The following LMX1B variants were observed in gnomAD, a reference collection of about 807,000 sequenced individuals.
LMX1B encodes the protein LIM homeobox transcription factor 1 beta.
LMX1B carries 12 observed loss-of-function variants against 51.4 expected under a neutral mutation model. That is an observed-to-expected ratio of 0.23 (90% CI 0.15 to 0.38). The LOEUF (loss-of-function observed/expected upper bound fraction) is 0.38. Among genes scored for constraint, LMX1B ranks in the 10% least tolerant of loss-of-function variants. The pLI, the probability that LMX1B is intolerant of heterozygous loss-of-function variation, is 1.00. For missense variants in LMX1B, 445 were observed against 571.1 expected (o/e 0.78, Z 2.25); for synonymous variants, 237 against 235.4 (o/e 1.01, Z -0.06).
At chr9:126,687,861 G>T (rs981014683) in intron 2 of LMX1B, among the ~76,000 whole-genome samples, 1 of 152,174 alleles carries the variant, frequency 6.6e-6, no homozygotes, top group African/African-American at 2.4e-5. Flanking sequence ...GTCCTCCGTG[G>T]TGGGAGGCAC....
chr9:126,615,266 C>A lies in LMX1B; in HGVS notation c.140-117C>A. 1.7e-6 allele frequency: 1 copy of A among 586,850 alleles called. No homozygotes were observed. The highest frequency in any genetic ancestry group is 2.4e-6 in the Non-Finnish European group (1 of 423,364). The allele number at this position is 586,850 out of a possible 1,614,324, so 36.4% of individuals were successfully genotyped here. On this transcript the variant is annotated intron_variant, in intron 1 of 7. Coordinates refer to ENST00000373474, the MANE Select transcript of LMX1B (RefSeq NM_001174147.2). The surrounding 1 kb of genome is among the most constrained non-coding windows in gnomAD (Gnocchi z 6.0). ...CGGTCCGGGGAGCGCAGGCGGCAGG[C>A]GGTGATCCCGGGCGGCCCGAGCCCT...
intron 2 of LMX1B, among the ~76,000 whole-genome samples, chr9:126,644,267 G>A (rs1835859879): frequency 6.6e-6 from 1 of 152,214 alleles, no homozygotes; most frequent in African/African-American, 2.4e-5. Flanking sequence ...ATGAGATGAG[G>A]AGAGAAATCC....
intron 2 of LMX1B, among the ~76,000 whole-genome samples, chr9:126,674,246 G>A (rs72762523): frequency 0.079 from 12,070 of 152,202 alleles, 568 homozygotes; most frequent in South Asian, 0.17. Context: ...ATGTCTCTGA[G>A]TGAGTGTCTG....
intron 3 of LMX1B, among the ~76,000 whole-genome samples, chr9:126,691,536 A>G (rs569260812): frequency 9.2e-5 from 14 of 152,264 alleles, no homozygotes; most frequent in African/African-American, 2.6e-4. Flanking sequence ...GGCTGCACAT[A>G]TATGTTTGTC....
intron 2 of LMX1B, among the ~76,000 whole-genome samples, chr9:126,676,042 C>G (rs1244124029): frequency 7.0e-6 from 1 of 142,254 alleles, no homozygotes; most frequent in Non-Finnish European, 1.5e-5. Flanking sequence ...GAGCGAGACT[C>G]CGTCTCAAAA....
rs908183130 is a variant in LMX1B, at chr9:126,613,958, G to C, written c.-492G>C. On this transcript the variant is annotated 5_prime_UTR_variant, in exon 1 of 8. Coordinates refer to ENST00000373474, the MANE Select transcript of LMX1B (RefSeq NM_001174147.2). The surrounding 1 kb of genome is among the most constrained non-coding windows in gnomAD (Gnocchi z 4.5). The stretch of plus-strand genomic sequence containing the variant: ...CAGCTCTAAACCCGGCGGCTCAGCG[G>C]GCGCACCATGGCACTGGAGTAGCGC... Among the ~76,000 whole-genome samples the C allele has an allele frequency of 1.9e-4, 27 of 145,924 alleles. No individual in the cohort carries two copies. Among genetic ancestry groups the C allele is most frequent in the Non-Finnish European group, 3.2e-4 (21 of 65,724 alleles).
Position 126,695,832 on chromosome 9 carries a change from C to T in LMX1B, c.887-7C>T. The T allele has an allele frequency of 6.2e-7, 1 of 1,612,346 alleles. No individual in the cohort carries two copies. Among genetic ancestry groups the T allele is most frequent in the Non-Finnish European group, 8.5e-7 (1 of 1,179,404 alleles). Reference sequence around the variant, plus strand: ...GGCCAGGGGGTGAAGGCTCACTGTGCCCCCAGAGGTCCTGTCCAGCCGCAT... The same window carrying T: ...GGCCAGGGGGTGAAGGCTCACTGTGTCCCCAGAGGTCCTGTCCAGCCGCAT... On this transcript the variant is annotated splice_polypyrimidine_tract_variant and splice_region_variant and intron_variant, in intron 6 of 7. Coordinates refer to ENST00000373474, the MANE Select transcript of LMX1B (RefSeq NM_001174147.2). This position sits in a 1 kb window ranked among gnomAD's most constrained non-coding sequence, Gnocchi z 5.2.
At chr9:126,680,288 C>T (rs377484328) in intron 2 of LMX1B, among the ~76,000 whole-genome samples, 1 of 152,188 alleles carries the variant, frequency 6.6e-6, no homozygotes, top group Non-Finnish European at 1.5e-5. Context: ...GGAAACCAAG[C>T]ACAGAGACTG....
intron 2 of LMX1B, among the ~76,000 whole-genome samples, chr9:126,652,141 G>A (rs1836023238): frequency 6.6e-6 from 1 of 152,142 alleles, no homozygotes; most frequent in Non-Finnish European, 1.5e-5. Flanking sequence ...GCCTGAGGCT[G>A]CAGCTCTCCC....
At chr9:126,661,176 C>G (rs892234218) in intron 2 of LMX1B, among the ~76,000 whole-genome samples, 1 of 152,104 alleles carries the variant, frequency 6.6e-6, no homozygotes, top group African/African-American at 2.4e-5. Flanking sequence ...TGACACAGGG[C>G]GACCCCTCAA....
At chr9:126,633,493 C>T (rs1168580380) in intron 2 of LMX1B, among the ~76,000 whole-genome samples, 1 of 152,180 alleles carries the variant, frequency 6.6e-6, no homozygotes, top group Non-Finnish European at 1.5e-5. Context: ...AGCAAGTCTC[C>T]ACAGGACAAC....
intron 2 of LMX1B, among the ~76,000 whole-genome samples, chr9:126,634,936 G>A (rs568943402): frequency 3.2e-4 from 49 of 152,212 alleles, no homozygotes; most frequent in East Asian, 7.7e-4. Context: ...AGGGCTCCCC[G>A]CTCCTTCCCC....
chr9:126,628,532 C>T (rs1835574893), intron 2 of LMX1B, among the ~76,000 whole-genome samples: 1 of 152,230 alleles, frequency 6.6e-6, no homozygotes, highest in Non-Finnish European at 1.5e-5. Flanking sequence ...TTTGGAAGTT[C>T]TTTGGGTTGT....
rs1380015638 is a variant in LMX1B, at chr9:126,625,444, G to A, written c.326+9875G>A. 1.3e-5 allele frequency among the ~76,000 whole-genome samples: 2 copies of A among 152,212 alleles called. No homozygotes were observed. Among genetic ancestry groups the A allele is most frequent in the Non-Finnish European group, 2.9e-5 (2 of 68,044 alleles). On this transcript the variant is annotated intron_variant, in intron 2 of 7. Coordinates refer to ENST00000373474, the MANE Select transcript of LMX1B (RefSeq NM_001174147.2). This position sits in a 1 kb window ranked among gnomAD's most constrained non-coding sequence, Gnocchi z 5.3. Reference sequence around the variant, plus strand: ...TCTTCCCAGGAAAGGTGGCACTCCGGGTGCACACCCACCACCCCCATTAAA... The same window carrying A: ...TCTTCCCAGGAAAGGTGGCACTCCGAGTGCACACCCACCACCCCCATTAAA...
rs1366019420 is a variant in LMX1B, at chr9:126,695,180, C to T, written c.887-659C>T. On this transcript the variant is annotated intron_variant, in intron 6 of 7. Transcript: ENST00000373474. This position sits in a 1 kb window ranked among gnomAD's most constrained non-coding sequence, Gnocchi z 5.2. The stretch of plus-strand genomic sequence containing the variant: ...CTTCCTCACCCACTGGCCCCAGCCT[C>T]GGTCTCCTCCTCCAGCCTTTCTCAC... 6.6e-6 allele frequency among the ~76,000 whole-genome samples: 1 copy of T among 152,180 alleles called. No homozygotes were observed. The highest frequency in any genetic ancestry group is 2.4e-5 in the African/African-American group (1 of 41,440).
chr9:126,626,095 G>A lies in LMX1B; in HGVS notation c.326+10526G>A, dbSNP rs1361452373. Among the ~76,000 whole-genome samples the A allele has an allele frequency of 6.6e-6, 1 of 152,252 alleles. No homozygotes were observed. The highest frequency in any genetic ancestry group is 2.4e-5 in the African/African-American group (1 of 41,480). On this transcript the variant is annotated intron_variant, in intron 2 of 7. Transcript: ENST00000373474. The surrounding 1 kb of genome is among the most constrained non-coding windows in gnomAD (Gnocchi z 4.3). ...GGTTTCAGCCCAAAGGCTCCAGTCA[G>A]TGGAACCGGAGGGGGACTTCGGAGG... is the stretch of plus-strand genomic sequence containing the variant.
chr9:126,683,180 C>G (rs1284763314), intron 2 of LMX1B, among the ~76,000 whole-genome samples: 1 of 150,918 alleles, frequency 6.6e-6, no homozygotes, highest in African/African-American at 2.4e-5. Flanking sequence ...GCGAGGAGGC[C>G]GGGGGAGGCC....
intron 2 of LMX1B, among the ~76,000 whole-genome samples, chr9:126,688,540 G>A (rs1317797539): frequency 4.6e-5 from 7 of 152,204 alleles, no homozygotes; most frequent in Admixed American, 3.3e-4. Context: ...GGGGTTGGGG[G>A]AGGACCACCC....
rs1454420758 is a variant in LMX1B at position 126,692,477 on chromosome 9, T to C, written c.560-665T>C. Among the ~76,000 whole-genome samples the C allele has an allele frequency of 2.0e-5, 3 of 152,214 alleles. No individual in the cohort carries two copies. In the East Asian group the frequency reaches 5.8e-4, roughly 29 times the overall value. On this transcript the variant is annotated intron_variant, in intron 3 of 7. Transcript: ENST00000373474. ...GGCTGTAGCACTGGGAGAATGCACA[T>C]GCTTCCGCACGCTGTGTGTGTCTGT...
Sources: gnomAD v4.1 joint callset for allele counts (sites outside exome capture counted in the v4.1 genomes callset) on GRCh38, gnomAD v4.1.1 for gene constraint, Gnocchi (gnomAD v3.1) non-coding constraint, MANE v1.5 for transcripts, NCBI Gene and HGNC (gene_info 2026-07-23, HGNC 2026-07-21) for gene names.